The following EXOC6B variants were observed in gnomAD, a reference collection of about 807,000 sequenced individuals.
EXOC6B encodes SEC15 homolog B.
A neutral mutation model predicts 113.5 loss-of-function variants in EXOC6B; 54 were observed. The ratio of observed to expected loss-of-function variants is 0.48; its 90% CI spans 0.38 to 0.60. The LOEUF is 0.60. EXOC6B is among the 20% of genes least tolerant of loss of function. The probability of loss-of-function intolerance (pLI) is 0.00; values close to 1 mark genes in which losing one functional copy is unlikely to be tolerated. For synonymous variants in EXOC6B, 357 were observed against 339.0 expected, an observed-to-expected ratio of 1.05 and a Z score of -0.58; for missense variants, 797 against 977.5, an observed-to-expected ratio of 0.82 and a Z score of 2.46.
intron 1 of EXOC6B, among the ~76,000 whole-genome samples, chr2:72,768,878 T>C (rs1683256653): frequency 6.6e-6 from 1 of 152,078 alleles, no homozygotes; most frequent in African/African-American, 2.4e-5. Flanking sequence ...CTTAGGAGGC[T>C]GAGGCAAGAA....
chr2:72,750,243 A>G (rs1681957189), intron 1 of EXOC6B, among the ~76,000 whole-genome samples: 1 of 152,088 alleles, frequency 6.6e-6, no homozygotes, highest in Non-Finnish European at 1.5e-5. Context: ...AGTACATGAA[A>G]GAGGATGGAT....
At chr2:72,360,722 G>A (rs1329101406) in intron 19 of EXOC6B, among the ~76,000 whole-genome samples, 1 of 152,036 alleles carries the variant, frequency 6.6e-6, no homozygotes, top group Non-Finnish European at 1.5e-5. Flanking sequence ...TTCTGCAGCT[G>A]GATAGTTGAG....
At chr2:72,594,684 T>C (rs547120498) in intron 6 of EXOC6B, among the ~76,000 whole-genome samples, 2 of 152,330 alleles carry the variant, frequency 1.3e-5, no homozygotes, top group African/African-American at 4.8e-5. Context: ...CTATAATGTA[T>C]TTTCTATGAG....
At chr2:72,519,937 G>C (rs920148431) in intron 8 of EXOC6B, among the ~76,000 whole-genome samples, 1 of 152,108 alleles carries the variant, frequency 6.6e-6, no homozygotes, top group Non-Finnish European at 1.5e-5. Flanking sequence ...AAAGGACATG[G>C]GCCATGAGGA....
intron 19 of EXOC6B, among the ~76,000 whole-genome samples, chr2:72,376,900 A>AT (rs545429789): frequency 0.14 from 20,545 of 146,322 alleles, 1,694 homozygotes; most frequent in African/African-American, 0.24. Context: ...GTTAGAAGGC[A>AT]TTTTTTTTTT....
intron 20 of EXOC6B, among the ~76,000 whole-genome samples, chr2:72,322,620 T>A (rs1234611035): frequency 6.6e-6 from 1 of 152,110 alleles, no homozygotes; most frequent in African/African-American, 2.4e-5. Context: ...CAAAACAGCA[T>A]GGTACTGGTA....
At chr2:72,493,785 C>T (rs371918170) in intron 15 of EXOC6B, among the ~76,000 whole-genome samples, 2 of 151,982 alleles carry the variant, frequency 1.3e-5, no homozygotes, top group African/African-American at 2.4e-5. Context: ...ATGTATAATG[C>T]TTTTTGGCCT....
At chr2:72,289,940 T>C (rs1369895518) in intron 20 of EXOC6B, among the ~76,000 whole-genome samples, 2 of 152,188 alleles carry the variant, frequency 1.3e-5, no homozygotes, top group Non-Finnish European at 2.9e-5. Context: ...CCTAATCAGT[T>C]GAAGGCCTGA....
chr2:72,541,037 T>C (rs1270808564), intron 8 of EXOC6B, among the ~76,000 whole-genome samples: 1 of 152,230 alleles, frequency 6.6e-6, no homozygotes, highest in Non-Finnish European at 1.5e-5. Context: ...ACTTGAATTG[T>C]ATCTTCCAGA....
In EXOC6B at chr2:72,575,511, T is replaced by C; in HGVS notation, c.827A>G (p.Asp276Gly). The change falls in exon 7 of 22, where the codon GAC (aspartate) becomes GGC (glycine). Residue 276 changes from aspartate (D) to glycine (G), a missense_variant. Transcript: ENST00000272427. ...ACTTACCTCTTCATCATCTTCCTCG[T>C]CTTCAACATCCAGAATTCCTGAATC... ...EQDSGILDVE[D>G]EEDDEEVPGA... 6.2e-7 allele frequency: 1 copy of C among 1,605,870 alleles called. No individual in the cohort carries two copies. The highest frequency in any genetic ancestry group is 8.5e-7 in the Non-Finnish European group (1 of 1,177,328).
chr2:72,655,464 C>G (rs1674508742), intron 6 of EXOC6B, among the ~76,000 whole-genome samples: 1 of 151,558 alleles, frequency 6.6e-6, no homozygotes, highest in African/African-American at 2.4e-5. Context: ...CACAAGATTT[C>G]TATATTTAAG....
chr2:72,815,766 A>G (rs979529965), intron 1 of EXOC6B, among the ~76,000 whole-genome samples: 1 of 152,238 alleles, frequency 6.6e-6, no homozygotes, highest in Non-Finnish European at 1.5e-5. Context: ...ACAAAATGGT[A>G]CAACCTCTAA....
intron 6 of EXOC6B, among the ~76,000 whole-genome samples, chr2:72,613,723 C>A (rs1225123353): frequency 6.7e-6 from 1 of 150,234 alleles, no homozygotes; most frequent in Non-Finnish European, 1.5e-5. Flanking sequence ...ACTTGAATTT[C>A]ATATGTAAGC....
intron 20 of EXOC6B, among the ~76,000 whole-genome samples, chr2:72,234,292 C>T (rs963354906): frequency 6.6e-6 from 1 of 151,982 alleles, no homozygotes; most frequent in Admixed American, 6.6e-5. Flanking sequence ...ACCATCTTGG[C>T]CAGGCTGGTC....
rs534485644 is a variant in EXOC6B at position 72,405,770 on chromosome 2, G to A, written c.1981-25900C>T. ...AACATGCCAAATTGTAAAGACCATC[G>A]ATGCTAGGAAGAAACTGCATCAACT... is the stretch of plus-strand genomic sequence containing the variant. On this transcript the variant is annotated intron_variant, in intron 18 of 21. Coordinates refer to ENST00000272427, the MANE Select transcript of EXOC6B (RefSeq NM_015189.3). 1.5e-3 allele frequency among the ~76,000 whole-genome samples: 228 copies of A among 152,274 alleles called. 1 individual carries two copies. The highest frequency in any genetic ancestry group is 2.5e-3 in the South Asian group (12 of 4,830).
chr2:72,481,858 G>A (rs561040994), intron 16 of EXOC6B, among the ~76,000 whole-genome samples: 1 of 152,254 alleles, frequency 6.6e-6, no homozygotes, highest in East Asian at 1.9e-4. Context: ...ATTACTAGAA[G>A]AGGAAGATAA....
At chr2:72,731,113 A>G in intron 4 of EXOC6B, 42 bp downstream of exon 4, 1 of 1,582,772 alleles carries the variant, frequency 6.3e-7, no homozygotes, top group Non-Finnish European at 8.6e-7. Flanking sequence ...AAAGCAAAAA[A>G]AAAATTACAC....
intron 1 of EXOC6B, among the ~76,000 whole-genome samples, chr2:72,776,253 G>A (rs1216507808): frequency 1.3e-5 from 2 of 152,058 alleles, no homozygotes; most frequent in African/African-American, 4.8e-5. Flanking sequence ...AGGTAATGAA[G>A]GCCCTTCTAA....
intron 11 of EXOC6B, among the ~76,000 whole-genome samples, chr2:72,507,479 C>T (rs970859675): frequency 1.3e-5 from 2 of 151,952 alleles, no homozygotes; most frequent in African/African-American, 4.8e-5. Context: ...TATCTGCAAC[C>T]CTTATCATAG....
Sources: allele counts gnomAD v4.1 joint callset (sites outside exome capture counted in the v4.1 genomes callset), GRCh38; gene constraint gnomAD v4.1.1; transcripts MANE v1.5; gene names NCBI Gene and HGNC (gene_info 2026-07-23, HGNC 2026-07-21).